Variants in ZNF791 observed in about 807,000 individuals in gnomAD.
ZNF791 encodes zinc finger protein 791.
In ZNF791, 4 loss-of-function variants were observed where a neutral mutation model predicts 11.5. That is an observed-to-expected ratio of 0.35 (90% CI 0.17 to 0.80). The LOEUF (loss-of-function observed/expected upper bound fraction) is 0.80, where lower values mean the gene tolerates loss of function less well. ZNF791 is among the 30% of genes least tolerant of loss of function. The probability of loss-of-function intolerance (pLI) is 0.53; values close to 1 mark genes in which losing one functional copy is unlikely to be tolerated. For missense variants in ZNF791, 559 were observed against 699.4 expected, an observed-to-expected ratio of 0.80 and a Z score of 2.26; for synonymous variants, 212 against 228.1, an observed-to-expected ratio of 0.93 and a Z score of 0.64.
Position 12,631,890 on chromosome 19 carries a change from T to C in ZNF791, c.*2630T>C, listed in dbSNP as rs1035884314. 2 of 152,222 alleles carry C rather than the reference T, an allele frequency of 1.3e-5. No homozygotes were observed. Among genetic ancestry groups the C allele is most frequent in the African/African-American group, 4.8e-5 (2 of 41,460 alleles). The allele number at this position is 152,222 out of a possible 1,614,324, so 9.4% of individuals were successfully genotyped here. A position where few individuals can be genotyped will look rare whatever the true frequency, so the allele number is the denominator to read the frequency against. On this transcript the variant is annotated 3_prime_UTR_variant, in exon 4 of 4. Transcript: ENST00000343325. ...CAGTGGTCAAAAGTTTAAAAGGTTG[T>C]GTTTTCTCATTAAATCAGTTAGTAA...
rs1405544928 is a variant in ZNF791 at position 12,623,824 on chromosome 19, T to G, written c.128T>G (p.Ile43Arg). ...GAAACATTCAAGAACCTGGCATCTA[T>G]AGGTAAGGATGACATCATTTTTTCT... ...MQETFKNLAS[I>R]GEKWEDPNVE... is the part of the protein sequence containing the mutation. The change falls in exon 2 of 4, where the codon ATA (isoleucine) becomes AGA (arginine). Residue 43 changes from isoleucine to arginine, a missense_variant and splice_region_variant. Ile to Arg is a moderately conservative substitution (Grantham distance 97, BLOSUM62 -3). Coordinates refer to ENST00000343325, the MANE Select transcript of ZNF791 (RefSeq NM_153358.3). 1 of 1,493,858 alleles carries G rather than the reference T, an allele frequency of 6.7e-7. No individual in the cohort carries two copies. 92.5% of individuals were successfully genotyped at this position (1,493,858 alleles called of 1,614,324 possible).
rs1228883543 is a variant in ZNF791 at position 12,628,382 on chromosome 19, A to G, written c.853A>G (p.Ser285Gly). 2 of 1,608,132 alleles carry G rather than the reference A, an allele frequency of 1.2e-6. No individual in the cohort carries two copies. Among genetic ancestry groups the G allele is most frequent in the East Asian group, 4.5e-5 (2 of 44,800 alleles). Residue 285 changes from serine to glycine, a missense_variant, in exon 4 of 4, where the codon AGT becomes GGT. Transcript: ENST00000343325. Reference sequence around the variant, plus strand: ...ATGTGGAAAGGCATTCATTTTTCCCAGTTTTTTACGAGTACATGAAAGAAT... The same window carrying G: ...ATGTGGAAAGGCATTCATTTTTCCCGGTTTTTTACGAGTACATGAAAGAAT... The part of the protein sequence containing the change: ...KECGKAFIFP[S>G]FLRVHERIHT...
In ZNF791 at chr19:12,627,762, G is replaced by C; in HGVS notation, c.233G>C (p.Ser78Thr). ...GERLCEGKEG[S>T]QCAENFSPNL... ...AGACTCTGTGAAGGTAAAGAAGGTA[G>C]TCAATGTGCAGAAAACTTCAGTCCC... Residue 78 changes from serine to threonine, a missense_variant, in exon 4 of 4, where the codon AGT (serine) becomes ACT (threonine). Ser to Thr is a moderately conservative substitution (Grantham distance 58). Coordinates refer to ENST00000343325, the MANE Select transcript of ZNF791 (RefSeq NM_153358.3). 6.2e-7 allele frequency: 1 copy of C among 1,614,084 alleles called. No individual in the cohort carries two copies. The highest frequency in any genetic ancestry group is 8.5e-7 in the Non-Finnish European group (1 of 1,179,928).
Position 12,627,965 on chromosome 19 carries a change from TCC to T in ZNF791, c.437_438del (p.Ser146PhefsTer5), listed in dbSNP as rs1239594877. ...ECEKAFSYLK[S>X]FQRHERSHTG... ...TGAGAAAGCCTTTAGTTATCTCAAA[TCC>T]TTTCAAAGACATGAAAGGAGTCACA... On this transcript the variant is annotated frameshift_variant, in exon 4 of 4. Coordinates refer to ENST00000343325, the MANE Select transcript of ZNF791 (RefSeq NM_153358.3). LOFTEE classifies it low-confidence loss of function (END_TRUNC). 6.2e-7 allele frequency: 1 copy of T among 1,613,954 alleles called. No homozygotes were observed. Among genetic ancestry groups the T allele is most frequent in the African/African-American group, 1.3e-5 (1 of 74,922 alleles).
At chr19:12,627,171 A>C (rs2023442109) in intron 3 of ZNF791, among the ~76,000 whole-genome samples, 1 of 147,554 alleles carries the variant, frequency 6.8e-6, no homozygotes, top group Non-Finnish European at 1.5e-5. Context: ...ACAGAGTGAG[A>C]CTCTGTCTCA....
chr19:12,624,837 C>T (rs1324403643), intron 3 of ZNF791, 127 bp downstream of exon 3: 5 of 536,762 alleles, frequency 9.3e-6, no homozygotes, highest in Admixed American at 3.8e-5. Flanking sequence ...ATCATGAGGT[C>T]AGGAGTTCAA....
At chr19:12,614,269 T>C (rs2023204947) in intron 1 of ZNF791, among the ~76,000 whole-genome samples, 1 of 152,196 alleles carries the variant, frequency 6.6e-6, no homozygotes, top group South Asian at 2.1e-4. Flanking sequence ...AGTCTCACTC[T>C]GTTGCCCAGG....
rs901280559 is a variant in ZNF791 at position 12,623,825 on chromosome 19, A to G, written c.129A>G (p.Ile43Met). 3.5e-6 allele frequency: 5 copies of G among 1,445,612 alleles called. No homozygotes were observed. Among genetic ancestry groups the G allele is most frequent in the Non-Finnish European group, 4.7e-6 (5 of 1,065,098 alleles). The allele number at this position is 1,445,612 out of a possible 1,614,324, so 89.5% of individuals were successfully genotyped here. The change falls in exon 2 of 4, where the codon ATA becomes ATG. Residue 43 changes from isoleucine to methionine, a missense_variant and splice_region_variant. Ile to Met is a conservative substitution (Grantham distance 10). Transcript: ENST00000343325. The stretch of plus-strand genomic sequence containing the variant: ...AAACATTCAAGAACCTGGCATCTAT[A>G]GGTAAGGATGACATCATTTTTTCTT... Reference protein sequence around the residue: ...MQETFKNLASIGEKWEDPNVE... With the variant: ...MQETFKNLASMGEKWEDPNVE...
At chr19:12,619,194 C>A (rs963245641) in intron 1 of ZNF791, among the ~76,000 whole-genome samples, 2 of 151,986 alleles carry the variant, frequency 1.3e-5, no homozygotes, top group African/African-American at 4.8e-5. Context: ...GCAGGCTATC[C>A]GTTCCAATGG....
Position 12,631,800 on chromosome 19 carries a change from A to AC in ZNF791, c.*2540_*2541insC, listed in dbSNP as rs1280484995. Reference sequence around the variant, plus strand: ...CTTCAAGTACATCTCTGGACTATGAATTGTAACTTAACTACTTTTCCAAGA... The same window carrying AC: ...CTTCAAGTACATCTCTGGACTATGAACTTGTAACTTAACTACTTTTCCAAGA... On this transcript the variant is annotated 3_prime_UTR_variant, in exon 4 of 4. Coordinates refer to ENST00000343325, the MANE Select transcript of ZNF791 (RefSeq NM_153358.3). The AC allele has an allele frequency of 6.6e-6, 1 of 152,218 alleles. No individual in the cohort carries two copies. Among genetic ancestry groups the AC allele is most frequent in the Non-Finnish European group, 1.5e-5 (1 of 68,034 alleles). 9.4% of individuals were successfully genotyped at this position (152,218 alleles called of 1,614,324 possible).
rs2023526032 is a variant in ZNF791, at chr19:12,633,818, G to GT, written c.*4559dup. The GT allele has an allele frequency of 7.2e-6, 1 of 138,060 alleles. No homozygotes were observed. The allele number at this position is 138,060 out of a possible 1,614,324, so 8.6% of individuals were successfully genotyped here. A position where few individuals can be genotyped will look rare whatever the true frequency, so the allele number is the denominator to read the frequency against. ...CCACCATGACAGCTACAGTAAAACA[G>GT]TAAAAAAAAAAAAAAACAACTATAT... On this transcript the variant is annotated 3_prime_UTR_variant, in exon 4 of 4. Coordinates refer to ENST00000343325, the MANE Select transcript of ZNF791 (RefSeq NM_153358.3).
In ZNF791 at chr19:12,633,167, G is replaced by A. The variant is rs1268311054; in HGVS notation, c.*3907G>A. ...CATTTTCCTTTTTATTAAACATCTG[G>A]CATAAGTTGGTAAGTATGTGAAGTT... is the stretch of plus-strand genomic sequence containing the variant. On this transcript the variant is annotated 3_prime_UTR_variant, in exon 4 of 4. Transcript: ENST00000343325. 6.6e-6 allele frequency: 1 copy of A among 152,056 alleles called. No homozygotes were observed. Among genetic ancestry groups the A allele is most frequent in the African/African-American group, 2.4e-5 (1 of 41,398 alleles). The allele number at this position is 152,056 out of a possible 1,614,324, so 9.4% of individuals were successfully genotyped here.
intron 1 of ZNF791, among the ~76,000 whole-genome samples, chr19:12,612,670 C>T (rs8112697): frequency 0.03 from 4,301 of 145,716 alleles, 118 homozygotes; most frequent in African/African-American, 0.065. Context: ...CCAGGATGGT[C>T]TCAATCTCCT....
intron 1 of ZNF791, among the ~76,000 whole-genome samples, chr19:12,621,836 CCA>C (rs2023353951): frequency 7.2e-6 from 1 of 138,874 alleles, no homozygotes. Flanking sequence ...TGCCCGGCCA[CCA>C]CCCCGTCTGG....
At chr19:12,624,877 G>A (rs927724174) in intron 3 of ZNF791, among the ~76,000 whole-genome samples, 167 bp downstream of exon 3, 1 of 151,642 alleles carries the variant, frequency 6.6e-6, no homozygotes, top group Non-Finnish European at 1.5e-5. Context: ...ATGAAACCCC[G>A]TCTCTACTAA....
chr19:12,621,714 C>CGGGAGGGA (rs1028468268), intron 1 of ZNF791, among the ~76,000 whole-genome samples: 1 of 74,980 alleles, frequency 1.3e-5, no homozygotes, highest in Non-Finnish European at 3.3e-5. Context: ...ACCTCCACCT[C>CGGGAGGGA]GGTGGGGGGT....
At chr19:12,611,333 T>TG (rs2023153042) in intron 1 of ZNF791, among the ~76,000 whole-genome samples, 3 of 152,152 alleles carry the variant, frequency 2.0e-5, no homozygotes, top group Non-Finnish European at 2.9e-5. Context: ...CCGCCTTGTG[T>TG]GTTTGGTTTG....
rs1167034119 is a variant in ZNF791, at chr19:12,627,982, AAGG to A, written c.456_458del (p.Arg152del). The A allele has an allele frequency of 6.2e-7, 1 of 1,614,104 alleles. No homozygotes were observed. Among genetic ancestry groups the A allele is most frequent in the South Asian group, 1.1e-5 (1 of 91,066 alleles). On this transcript the variant is annotated inframe_deletion, in exon 4 of 4. Transcript: ENST00000343325. Reference sequence around the variant, plus strand: ...ATCTCAAATCCTTTCAAAGACATGAAAGGAGTCACACTGGAGAAAAACCCTATA... The same window carrying A: ...ATCTCAAATCCTTTCAAAGACATGAAAGTCACACTGGAGAAAAACCCTATA...
chr19:12,628,582 T>C lies in ZNF791; in HGVS notation c.1053T>C (p.Thr351=), dbSNP rs144494381. ...TTCGAGTACACGTGAGAGTGCATAC[T>C]GGAGAGAAACCCTATAAGTGTAAAG... ...PAFRVHVRVH[T]GEKPYKCKEC... The change falls in exon 4 of 4, where the codon ACT becomes ACC. Residue 351 remains threonine (T), a synonymous_variant. Transcript: ENST00000343325. 104 of 1,599,672 alleles carry C rather than the reference T, an allele frequency of 6.5e-5. No individual in the cohort carries two copies. The African/African-American group carries it at 1.3e-3, about 21-fold the overall frequency.
Sources: gnomAD v4.1 joint callset for allele counts (sites outside exome capture counted in the v4.1 genomes callset) on GRCh38, gnomAD v4.1.1 for gene constraint, MANE v1.5 for transcripts, NCBI Gene and HGNC (gene_info 2026-07-23, HGNC 2026-07-21) for gene names.